Variants in KMT2E observed in about 807,000 individuals in gnomAD.
KMT2E encodes the protein lysine methyltransferase 2E (inactive), also known as histone reader KMT2E.
A neutral mutation model predicts 184.6 loss-of-function variants in KMT2E; 30 were observed. The observed-to-expected ratio is 0.16, with a 90% CI of 0.12 to 0.22. KMT2E has a LOEUF of 0.22. Among genes scored for constraint, KMT2E ranks in the 10% least tolerant of loss-of-function variants. The pLI is 1.00. For synonymous variants in KMT2E, 815 were observed against 776.5 expected (o/e 1.05, Z -0.82); for missense variants, 2,023 against 2,237.4 (o/e 0.90, Z 1.93).
intron 13 of KMT2E, among the ~76,000 whole-genome samples, chr7:105,088,048 T>C (rs1440563852): frequency 6.6e-6 from 1 of 152,196 alleles, no homozygotes; most frequent in African/African-American, 2.4e-5. Context: ...CATATCATTT[T>C]AGTCCTTTCT....
Position 105,077,148 on chromosome 7 carries a change from A to G in KMT2E, c.954A>G (p.Lys318=). 1 of 1,614,036 alleles carries G rather than the reference A, an allele frequency of 6.2e-7. No individual in the cohort carries two copies. Among genetic ancestry groups the G allele is most frequent in the Non-Finnish European group, 8.5e-7 (1 of 1,179,986 alleles). The change falls in exon 10 of 27, where the codon AAA becomes AAG. Residue 318 remains lysine, a synonymous_variant. Transcript: ENST00000311117. ...GNGNDKKEMN[K]SDLNTNNLLF... ...GAAATGACAAAAAAGAGATGAATAAATCCGATTTGAATACCAACAATTTGC... is the reference window on the plus strand; with the variant it reads ...GAAATGACAAAAAAGAGATGAATAAGTCCGATTTGAATACCAACAATTTGC...
Position 105,107,235 on chromosome 7 carries a change from C to A in KMT2E, c.2904+13C>A. 1 of 1,545,902 alleles carries A rather than the reference C, an allele frequency of 6.5e-7. No homozygotes were observed. Among genetic ancestry groups the A allele is most frequent in the Non-Finnish European group, 8.8e-7 (1 of 1,141,520 alleles). On this transcript the variant is annotated intron_variant, in intron 21 of 26. Coordinates refer to ENST00000311117, the MANE Select transcript of KMT2E (RefSeq NM_182931.3). ...TTATAGTCAAGAGGTAAGAAGTTAA[C>A]TTAAAAAGGGTGAATTGGTAGTTTT...
intron 13 of KMT2E, among the ~76,000 whole-genome samples, chr7:105,085,011 A>G (rs1435613356): frequency 6.6e-6 from 1 of 152,080 alleles, no homozygotes; most frequent in Non-Finnish European, 1.5e-5. Context: ...ACTACTATCT[A>G]CATGCATATG....
At chr7:105,045,562 G>C (rs1353076529) in intron 3 of KMT2E, among the ~76,000 whole-genome samples, 1 of 152,022 alleles carries the variant, frequency 6.6e-6, no homozygotes, top group East Asian at 1.9e-4. Flanking sequence ...TCTTATGTCT[G>C]GCTTATTTTA....
intron 12 of KMT2E, among the ~76,000 whole-genome samples, chr7:105,079,473 AATG>A (rs1236634269): frequency 2.7e-5 from 4 of 150,128 alleles, no homozygotes; most frequent in African/African-American, 4.9e-5. Context: ...ACCTTGAAGA[AATG>A]ATGATGCTCC....
chr7:105,086,327 T>C (rs1197950676), intron 13 of KMT2E, among the ~76,000 whole-genome samples: 1 of 152,208 alleles, frequency 6.6e-6, no homozygotes, highest in Non-Finnish European at 1.5e-5. Context: ...GGTTGTAGAA[T>C]GCGCACAGCA....
chr7:105,066,927 C>T (rs1166280059), intron 6 of KMT2E, 120 bp downstream of exon 6: 1 of 737,760 alleles, frequency 1.4e-6, no homozygotes, highest in Non-Finnish European at 2.3e-6. Context: ...CATGGTGGCT[C>T]ATGCCTGTAG....
intron 17 of KMT2E, chr7:105,103,633 A>G (rs1392753597): frequency 6.6e-6 from 1 of 152,100 alleles, no homozygotes; most frequent in Non-Finnish European, 1.5e-5. Context: ...CATGTGTTTC[A>G]CTACTGCAGT....
intron 19 of KMT2E, among the ~76,000 whole-genome samples, chr7:105,106,254 A>G (rs1301956271): frequency 6.6e-6 from 1 of 152,206 alleles, no homozygotes; most frequent in Non-Finnish European, 1.5e-5. Context: ...GACTCTTACA[A>G]ATCAGTTAAA....
intron 5 of KMT2E, among the ~76,000 whole-genome samples, chr7:105,065,176 T>C (rs1298923565): frequency 6.6e-6 from 1 of 152,186 alleles, no homozygotes; most frequent in African/African-American, 2.4e-5. Context: ...ATTCTAACTT[T>C]ACGTTGGCTC....
In KMT2E at chr7:105,102,127, A is replaced by C; in HGVS notation, c.2129A>C (p.Glu710Ala). 1 of 1,612,770 alleles carries C rather than the reference A, an allele frequency of 6.2e-7. No individual in the cohort carries two copies. Among genetic ancestry groups the C allele is most frequent in the Non-Finnish European group, 8.5e-7 (1 of 1,179,140 alleles). ...CCAGAAACTGAAACTGCACTAGCAG[A>C]AATAATTACTGAAACTGAAGTTCCA... ...IEPETETALA[E>A]IITETEVPAL... Residue 710 changes from glutamate (E) to alanine (A), a missense_variant, in exon 17 of 27, where the codon GAA becomes GCA. Around this residue, in one of 8 missense-constraint regions of KMT2E, gnomAD observed 514 missense variants for 621.8 expected, o/e 0.83. Coordinates refer to ENST00000311117, the MANE Select transcript of KMT2E (RefSeq NM_182931.3).
intron 1 of KMT2E, among the ~76,000 whole-genome samples, chr7:105,031,459 T>G (rs1238607043): frequency 6.7e-6 from 1 of 149,010 alleles, no homozygotes; most frequent in Non-Finnish European, 1.5e-5. Context: ...GGTTATTTAA[T>G]GGCTGAAAAA....
chr7:105,045,966 T>G (rs1399447919), intron 3 of KMT2E, among the ~76,000 whole-genome samples: 1 of 152,152 alleles, frequency 6.6e-6, no homozygotes, highest in Non-Finnish European at 1.5e-5. Flanking sequence ...GGATCTGTAC[T>G]TCCTTACTTT....
intron 1 of KMT2E, among the ~76,000 whole-genome samples, chr7:105,031,614 TG>T (rs1336556182): frequency 6.6e-6 from 1 of 151,368 alleles, no homozygotes; most frequent in African/African-American, 2.4e-5. Context: ...TAGCTGGGCA[TG>T]GTGGCGGGCA....
At chr7:105,103,827 C>CTTTTTTTT (rs66584948) in intron 17 of KMT2E, 6 of 117,604 alleles carry the variant, frequency 5.1e-5, no homozygotes, top group Non-Finnish European at 6.8e-5. Context: ...TTTTCTTTTT[C>CTTTTTTTT]TTTTTTTTTT....
At chr7:105,108,871 AAAG>A (rs1799038470) in intron 22 of KMT2E, 68 bp from the exon 23 acceptor site, 2 of 1,286,200 alleles carry the variant, frequency 1.6e-6, no homozygotes, top group South Asian at 3.0e-5. Flanking sequence ...TTTAGACAAA[AAAG>A]AATGCATTGG....
intron 8 of KMT2E, among the ~76,000 whole-genome samples, chr7:105,075,222 A>T (rs1188136157): frequency 6.9e-6 from 1 of 144,688 alleles, no homozygotes; most frequent in African/African-American, 2.5e-5. Context: ...GCTCTCTTGT[A>T]ACGTATTGTC....
In KMT2E at chr7:105,110,798, C is replaced by A; in HGVS notation, c.3998C>A (p.Thr1333Lys). 6.2e-7 allele frequency: 1 copy of A among 1,613,974 alleles called. No individual in the cohort carries two copies. The highest frequency in any genetic ancestry group is 8.5e-7 in the Non-Finnish European group (1 of 1,179,840). ...CCTGATCCTGAAAATCCAGAACCCA[C>A]AACTACGAATGAATGTCCATCCCCA... ...EDPDPENPEPTTTNECPSPDT... is the reference protein window; with the variant it reads ...EDPDPENPEPKTTNECPSPDT... Residue 1333 changes from threonine (T) to lysine (K), a missense_variant, in exon 26 of 27, where the codon ACA (threonine) becomes AAA (lysine). Physicochemically the swap from Thr to Lys is moderately conservative, Grantham distance 78. Transcript: ENST00000311117.
At position 105,087,250 on chromosome 7, in the gene KMT2E, A is replaced by C. The variant is rs371706026; in HGVS notation, c.1359-2759A>C. ...ATAAGCATATATATAAAGAGATACC[A>C]TTCAACATGAGCATATATATAATAT... On this transcript the variant is annotated intron_variant, in intron 13 of 26. Transcript: ENST00000311117. Among the ~76,000 whole-genome samples the C allele has an allele frequency of 7.6e-5, 11 of 145,318 alleles. No homozygotes were observed. In the East Asian group the frequency reaches 2.0e-3, roughly 26 times the overall value.
Sources: allele counts gnomAD v4.1 joint callset (sites outside exome capture counted in the v4.1 genomes callset), GRCh38; gene constraint gnomAD v4.1.1; regional missense constraint gnomAD v4.1.1; transcripts MANE v1.5; gene names NCBI Gene and HGNC (gene_info 2026-07-23, HGNC 2026-07-21).